PC: variants seen among roughly 807,000 people sequenced by gnomAD.
PC encodes pyruvate carboxylase.
In PC, 46 loss-of-function variants were observed where a neutral mutation model predicts 107.8. The observed-to-expected ratio is 0.43, with a 90% confidence interval of 0.34 to 0.55. The LOEUF is 0.55. PC is among the 20% of genes least tolerant of loss of function. PC has a pLI of 0.04. For synonymous variants in PC, 662 were observed against 684.7 expected, an observed-to-expected ratio of 0.97 and a Z score of 0.52; for missense variants, 1,241 against 1,643.1, an observed-to-expected ratio of 0.76 and a Z score of 4.23.
rs141543771 is a variant in PC, at chr11:66,871,114, T to C, written c.571A>G (p.Ile191Val). Residue 191 changes from isoleucine to valine, a missense_variant, in exon 7 of 23, where the codon ATC (isoleucine) becomes GTC (valine). Coordinates refer to ENST00000393960, the MANE Select transcript of PC (RefSeq NM_001040716.2). The surrounding 1 kb of genome is among the most constrained non-coding windows in gnomAD (Gnocchi z 7.4). ...HEFSNTYGFPIIFKAAYGGGG... is the reference protein window; with the variant it reads ...HEFSNTYGFPVIFKAAYGGGG... Reference sequence around the variant, plus strand: ...CCCCCATAGGCCGCCTTGAAGATGATGGGGAAGCCGTAGGTGTTGGAGAAC... The same window carrying C: ...CCCCCATAGGCCGCCTTGAAGATGACGGGGAAGCCGTAGGTGTTGGAGAAC... 161 of 1,613,852 alleles carry C rather than the reference T, an allele frequency of 1.0e-4. No homozygotes were observed. Among genetic ancestry groups the C allele is most frequent in the African/African-American group, 3.2e-4 (24 of 75,022 alleles).
chr11:66,865,073 G>A (rs1357978068), intron 11 of PC, among the ~76,000 whole-genome samples: 1 of 152,230 alleles, frequency 6.6e-6, no homozygotes, highest in Admixed American at 6.5e-5. Flanking sequence ...GATGGAGGGA[G>A]GCAGAGAAGT....
chr11:66,935,469 C>T (rs1948973403), intron 3 of PC, among the ~76,000 whole-genome samples: 1 of 152,168 alleles, frequency 6.6e-6, no homozygotes, highest in African/African-American at 2.4e-5. Flanking sequence ...CCCAGTTGGC[C>T]ACAAGCCATG....
intron 3 of PC, among the ~76,000 whole-genome samples, chr11:66,937,917 C>T (rs1319666781): frequency 6.6e-6 from 1 of 151,994 alleles, no homozygotes; most frequent in Non-Finnish European, 1.5e-5. Flanking sequence ...GCTGGGACTA[C>T]AGGTGCGTGC....
intron 3 of PC, among the ~76,000 whole-genome samples, chr11:66,890,455 C>T (rs1262008732): frequency 6.9e-6 from 1 of 144,830 alleles, no homozygotes; most frequent in East Asian, 2.0e-4. Context: ...AGTGACAGAG[C>T]GAGACTCCAT....
At chr11:66,936,813 A>C (rs371458937) in intron 3 of PC, among the ~76,000 whole-genome samples, 14 of 152,284 alleles carry the variant, frequency 9.2e-5, no homozygotes, top group African/African-American at 3.4e-4. Flanking sequence ...AACTTGGGGA[A>C]GGGAACTCTA....
rs113994148 is a variant in PC at position 66,849,025 on chromosome 11, CAG to C, written c.3409_3410del (p.Leu1137ValfsTer34). ...CCATCTTCATGGCACTGAGCACACA[CAG>C]GGGCTGGCCCTTGGCCACCTTGGCC... The part of the protein sequence containing the change: ...AGAKVAKGQP[L>X]CVLSAMKMET... On this transcript the variant is annotated frameshift_variant, in exon 23 of 23. Transcript: ENST00000393960. LOFTEE classifies it high-confidence loss of function. 6.8e-6 allele frequency: 11 copies of C among 1,614,120 alleles called. No individual in the cohort carries two copies. The highest frequency in any genetic ancestry group is 9.3e-6 in the Non-Finnish European group (11 of 1,180,050).
At chr11:66,954,214 A>C (rs1401935061) in intron 2 of PC, 35 bp downstream of exon 2, 3 of 152,264 alleles carry the variant, frequency 2.0e-5, no homozygotes, top group African/African-American at 7.2e-5. Flanking sequence ...AACAGTGACT[A>C]ATCTCACTAT....
Position 66,857,892 on chromosome 11 carries a change from A to G in PC, c.1369-4509T>C. ...TGTGCCGCCCAACGTGGACCGGCGC[A>G]CAGTGGAGCTGCGGCTGGCTGACAA... is the stretch of plus-strand genomic sequence containing the variant. On this transcript the variant is annotated intron_variant, in intron 12 of 22. Transcript: ENST00000393960. The surrounding 1 kb of genome is among the most constrained non-coding windows in gnomAD (Gnocchi z 7.1). 6.2e-7 allele frequency: 1 copy of G among 1,611,498 alleles called. No individual in the cohort carries two copies. The highest frequency in any genetic ancestry group is 8.5e-7 in the Non-Finnish European group (1 of 1,179,814).
chr11:66,849,339 A>T lies in PC; in HGVS notation c.3179T>A (p.Ile1060Asn). The part of the protein sequence containing the change: ...VELERGKTLH[I>N]KALAVSDLNR... ...CAGGTCGCTCACGGCCAGGGCTTTG[A>T]TGTGCAGCGTCTTGCCCCGCTCCAG... Residue 1060 changes from isoleucine (I) to asparagine (N), a missense_variant, in exon 22 of 23, where the codon ATC becomes AAC. Transcript: ENST00000393960. 1.2e-6 allele frequency: 2 copies of T among 1,613,318 alleles called. No individual in the cohort carries two copies. The highest frequency in any genetic ancestry group is 1.7e-6 in the Non-Finnish European group (2 of 1,180,014).
intron 9 of PC, among the ~76,000 whole-genome samples, chr11:66,869,255 C>T (rs1005911611): frequency 9.2e-5 from 14 of 151,984 alleles, no homozygotes; most frequent in East Asian, 7.8e-4. Flanking sequence ...ATCCCAGGCT[C>T]GGCACCTTGC....
At chr11:66,951,782 C>A (rs1449152713) in intron 3 of PC, among the ~76,000 whole-genome samples, 1 of 151,544 alleles carries the variant, frequency 6.6e-6, no homozygotes, top group Non-Finnish European at 1.5e-5. Flanking sequence ...CCCAGCTACT[C>A]GGGAGGCTGA....
In PC at chr11:66,860,300, A is replaced by G. The variant is rs1464881418; in HGVS notation, c.1368+3474T>C. The G allele has an allele frequency of 3.4e-6, 5 of 1,450,928 alleles. No homozygotes were observed. The Admixed American group carries it at 9.8e-5, about 29-fold the overall frequency. The allele number at this position is 1,450,928 out of a possible 1,614,324, so 89.9% of individuals were successfully genotyped here. A position where few individuals can be genotyped will look rare whatever the true frequency, so the allele number is the denominator to read the frequency against. On this transcript the variant is annotated intron_variant, in intron 12 of 22. Transcript: ENST00000393960. ...TCCCTCCCTGGTTTTTATTCTCAGT[A>G]CCTCAGGCTCCCCTGTGTACTTGGA...
intron 3 of PC, among the ~76,000 whole-genome samples, chr11:66,941,781 C>A (rs1475845256): frequency 2.0e-5 from 3 of 151,920 alleles, no homozygotes; most frequent in Non-Finnish European, 2.9e-5. Flanking sequence ...TGTGAGCCAT[C>A]ATGCCTGGCC....
In PC at chr11:66,852,901, A is replaced by G; in HGVS notation, c.1514-65T>C. 8.1e-7 allele frequency: 1 copy of G among 1,234,834 alleles called. No homozygotes were observed. The highest frequency in any genetic ancestry group is 1.4e-5 in the South Asian group (1 of 71,220). The allele number at this position is 1,234,834 out of a possible 1,614,324, so 76.5% of individuals were successfully genotyped here. A position where few individuals can be genotyped will look rare whatever the true frequency, so the allele number is the denominator to read the frequency against. ...AGAGGCTGAGTCGAGGGCAGCAGTG[A>G]GAGTGGCTGGGCTCAGGGACAGGGA... On this transcript the variant is annotated intron_variant, in intron 13 of 22. Coordinates refer to ENST00000393960, the MANE Select transcript of PC (RefSeq NM_001040716.2). This position sits in a 1 kb window ranked among gnomAD's most constrained non-coding sequence, Gnocchi z 4.7.
At chr11:66,923,380 CAA>C (rs1330022143) in intron 3 of PC, among the ~76,000 whole-genome samples, 11 of 104,502 alleles carry the variant, frequency 1.1e-4, no homozygotes, top group Non-Finnish European at 1.2e-4. Context: ...GACTCCGTCT[CAA>C]AAAAAAAAAA....
intron 10 of PC, 93 bp downstream of exon 10, chr11:66,868,753 A>T: frequency 1.1e-6 from 1 of 924,536 alleles, no homozygotes; most frequent in Non-Finnish European, 1.8e-6. Flanking sequence ...GGAGTGAGCA[A>T]GCCCCCTGGC....
At chr11:66,901,125 T>G (rs1360201878) in intron 3 of PC, among the ~76,000 whole-genome samples, 7 of 152,244 alleles carry the variant, frequency 4.6e-5, no homozygotes, top group Admixed American at 1.3e-4. Context: ...ACCTGCTGAG[T>G]GGATGCCTCC....
Position 66,871,973 on chromosome 11 carries a change from C to T in PC, c.136+51G>A, listed in dbSNP as rs1946753367. 5 of 1,560,652 alleles carry T rather than the reference C, an allele frequency of 3.2e-6. No individual in the cohort carries two copies. In the East Asian group the frequency reaches 7.2e-5, roughly 22 times the overall value. ...GGGGCAGTGAGTGGGAGAAGAATGC[C>T]AAGGCTGGGGCGGCCATGAGGCTCC... is the stretch of plus-strand genomic sequence containing the variant. On this transcript the variant is annotated intron_variant, in intron 4 of 22. Transcript: ENST00000393960. The surrounding 1 kb of genome is among the most constrained non-coding windows in gnomAD (Gnocchi z 7.4).
At position 66,863,765 on chromosome 11, in the gene PC, G is replaced by T; in HGVS notation, c.1368+9C>A. 1 of 1,603,792 alleles carries T rather than the reference G, an allele frequency of 6.2e-7. No homozygotes were observed. On this transcript the variant is annotated intron_variant, in intron 12 of 22. Transcript: ENST00000393960. Reference sequence around the variant, plus strand: ...GGAGCAAAGGCAGGCGGGGGCTGCAGCCTCTCACCTTCACACCTCGGACGC... The same window carrying T: ...GGAGCAAAGGCAGGCGGGGGCTGCATCCTCTCACCTTCACACCTCGGACGC...
Sources: gnomAD v4.1 joint callset for allele counts (sites outside exome capture counted in the v4.1 genomes callset) on GRCh38, gnomAD v4.1.1 for gene constraint, Gnocchi (gnomAD v3.1) non-coding constraint, MANE v1.5 for transcripts, NCBI Gene and HGNC (gene_info 2026-07-23, HGNC 2026-07-21) for gene names.